The following ANTXR2 variants were observed in gnomAD, a reference collection of about 807,000 sequenced individuals.
The protein encoded by ANTXR2 is ANTXR cell adhesion molecule 2, also known as anthrax toxin receptor 2.
Under a neutral mutation model 73.7 loss-of-function variants are expected in ANTXR2, and 44 were observed. That is an observed-to-expected ratio of 0.60 (90% CI 0.47 to 0.77). ANTXR2 has a LOEUF of 0.77. ANTXR2 is among the 30% of genes least tolerant of loss of function. ANTXR2 has a pLI of 0.00. For missense variants in ANTXR2, 604 were observed against 592.5 expected (o/e 1.02, Z -0.20); for synonymous variants, 217 against 205.9 (o/e 1.05, Z -0.46).
chr4:80,068,614 A>G lies in ANTXR2; in HGVS notation c.296+822T>C, dbSNP rs4690141. On this transcript the variant is annotated intron_variant, in intron 3 of 16. Coordinates refer to ENST00000403729, the MANE Select transcript of ANTXR2 (RefSeq NM_058172.6). ...TGAAACCCCCGTCTCTACTAAAAAA[A>G]TACAAAAATTGGCCAGGTGTGGTGG... Among the ~76,000 whole-genome samples the G allele has an allele frequency of 0.038, 5,772 of 152,112 alleles. 695 individuals are homozygous for G. The East Asian group carries it at 0.42, about 11-fold the overall frequency.
chr4:79,934,070 C>A (rs1398601737), intron 16 of ANTXR2, among the ~76,000 whole-genome samples: 1 of 151,974 alleles, frequency 6.6e-6, no homozygotes, highest in Non-Finnish European at 1.5e-5. Flanking sequence ...TATGAATAAC[C>A]ATTCATAATT....
rs370439255 is a variant in ANTXR2, at chr4:80,035,947, G to GT, written c.697+24dup. The stretch of plus-strand genomic sequence containing the variant: ...GGAAAAAAATACAATTTCTTACATG[G>GT]TATTTTTAAATTCTAAACACTTACC... On this transcript the variant is annotated intron_variant, in intron 8 of 16. Coordinates refer to ENST00000403729, the MANE Select transcript of ANTXR2 (RefSeq NM_058172.6). 219 of 1,504,728 alleles carry GT rather than the reference G, an allele frequency of 1.5e-4. 1 individual carries two copies. The African/African-American group carries it at 2.7e-3, about 19-fold the overall frequency. 93.2% of individuals were successfully genotyped at this position (1,504,728 alleles called of 1,614,324 possible). A position where few individuals can be genotyped will look rare whatever the true frequency, so the allele number is the denominator to read the frequency against.
intron 16 of ANTXR2, among the ~76,000 whole-genome samples, chr4:79,952,128 A>G (rs547796083): frequency 7.5e-4 from 114 of 151,490 alleles, no homozygotes; most frequent in African/African-American, 2.6e-3. Context: ...TTGATGTGGA[A>G]TTATAATTGT....
chr4:80,057,157 A>G (rs1312931464), intron 3 of ANTXR2, among the ~76,000 whole-genome samples: 2 of 151,880 alleles, frequency 1.3e-5, no homozygotes, highest in Non-Finnish European at 2.9e-5. Context: ...CTGAATTAGA[A>G]AATTGTAAAT....
chr4:80,053,193 C>A (rs1001664050), intron 7 of ANTXR2, among the ~76,000 whole-genome samples: 4 of 151,512 alleles, frequency 2.6e-5, no homozygotes, highest in Non-Finnish European at 5.9e-5. Context: ...TTTTATTTAT[C>A]CTGAATCCAG....
At chr4:79,944,613 A>G (rs1728446425) in intron 16 of ANTXR2, among the ~76,000 whole-genome samples, 1 of 152,100 alleles carries the variant, frequency 6.6e-6, no homozygotes, top group African/African-American at 2.4e-5. Context: ...TGCCTATACT[A>G]TGCTTGTCAC....
intron 16 of ANTXR2, among the ~76,000 whole-genome samples, chr4:79,912,822 A>G (rs1727201297): frequency 6.6e-6 from 1 of 152,130 alleles, no homozygotes; most frequent in African/African-American, 2.4e-5. Context: ...ATTTTACTCT[A>G]TTCTACAGCC....
intron 16 of ANTXR2, among the ~76,000 whole-genome samples, chr4:79,924,335 C>T (rs902007168): frequency 6.6e-5 from 10 of 151,960 alleles, no homozygotes; most frequent in East Asian, 1.9e-4. Context: ...TTTAAAATAA[C>T]GAAAAAGGCC....
intron 3 of ANTXR2, among the ~76,000 whole-genome samples, chr4:80,065,025 C>A (rs1471757001): frequency 6.6e-6 from 1 of 152,096 alleles, no homozygotes; most frequent in Non-Finnish European, 1.5e-5. Flanking sequence ...GTTTTGATTT[C>A]TTCATTTGTA....
At chr4:79,986,741 C>CTGTGTTTTG in intron 12 of ANTXR2, among the ~76,000 whole-genome samples, 1 of 152,094 alleles carries the variant, frequency 6.6e-6, no homozygotes, top group South Asian at 2.1e-4. Flanking sequence ...GTCAACAGCC[C>CTGTGTTTTG]CCATCAGAGT....
intron 16 of ANTXR2, among the ~76,000 whole-genome samples, chr4:79,951,579 A>G (rs60021165): frequency 8.1e-6 from 1 of 123,264 alleles, no homozygotes; most frequent in Non-Finnish European, 2.0e-5. Flanking sequence ...CTATCTCAAA[A>G]AACAACAACA....
At chr4:80,057,773 T>A (rs918921325) in intron 3 of ANTXR2, among the ~76,000 whole-genome samples, 1 of 152,056 alleles carries the variant, frequency 6.6e-6, no homozygotes, top group Non-Finnish European at 1.5e-5. Context: ...ATATTCACTT[T>A]TCAACTACAC....
intron 10 of ANTXR2, among the ~76,000 whole-genome samples, chr4:80,031,401 G>T (rs1195103572): frequency 1.3e-5 from 2 of 151,790 alleles, no homozygotes; most frequent in African/African-American, 2.4e-5. Context: ...CAGTATTGAA[G>T]AAACTAGCTA....
chr4:80,046,102 T>C (rs1031618695), intron 7 of ANTXR2, among the ~76,000 whole-genome samples: 7 of 151,796 alleles, frequency 4.6e-5, no homozygotes, highest in South Asian at 2.1e-4. Context: ...AAGAGAACTG[T>C]GGAAGAAGGT....
chr4:79,960,505 T>G (rs1729102287), intron 16 of ANTXR2, among the ~76,000 whole-genome samples: 1 of 151,998 alleles, frequency 6.6e-6, no homozygotes, highest in Non-Finnish European at 1.5e-5. Context: ...ACTTTATAAG[T>G]TTTTTAAAAG....
chr4:80,028,630 C>T (rs1027747595), intron 10 of ANTXR2, among the ~76,000 whole-genome samples: 8 of 152,116 alleles, frequency 5.3e-5, no homozygotes, highest in African/African-American at 1.9e-4. Context: ...CTGTCACCCT[C>T]ACACAGGAAA....
chr4:79,977,785 A>G (rs1729704218), intron 15 of ANTXR2, 84 bp from the exon 16 acceptor site: 1 of 1,375,802 alleles, frequency 7.3e-7, no homozygotes, highest in Non-Finnish European at 9.9e-7. Flanking sequence ...AAACGAAGAA[A>G]GTAAAATCTT....
chr4:79,993,889 T>C (rs1730604121), intron 12 of ANTXR2, among the ~76,000 whole-genome samples: 1 of 151,878 alleles, frequency 6.6e-6, no homozygotes, highest in South Asian at 2.1e-4. Context: ...TATCAAACAT[T>C]TCTCATGAGA....
At chr4:80,039,423 G>C (rs1452378952) in intron 7 of ANTXR2, among the ~76,000 whole-genome samples, 2 of 151,952 alleles carry the variant, frequency 1.3e-5, no homozygotes, top group African/African-American at 2.4e-5. Context: ...CAAGTTAATA[G>C]TCTATTCTCA....
Sources: allele counts gnomAD v4.1 joint callset (sites outside exome capture counted in the v4.1 genomes callset), GRCh38; gene constraint gnomAD v4.1.1; transcripts MANE v1.5; gene names NCBI Gene and HGNC (gene_info 2026-07-23, HGNC 2026-07-21).